Variants in ZNF461 observed in about 807,000 individuals in gnomAD.
ZNF461 encodes zinc finger protein 461.
ZNF461 carries 16 observed loss-of-function variants against 18.3 expected under a neutral mutation model. The observed-to-expected ratio is 0.88, with a 90% confidence interval of 0.59 to 1.33. The LOEUF is 1.33. Ranked by LOEUF, ZNF461 falls within the 40% of genes most tolerant of loss-of-function variation. The pLI, the probability that ZNF461 is intolerant of heterozygous loss-of-function variation, is 0.00. For synonymous variants in ZNF461, 179 were observed against 216.9 expected, an observed-to-expected ratio of 0.83 and a Z score of 1.54; for missense variants, 595 against 669.9, an observed-to-expected ratio of 0.89 and a Z score of 1.23.
Position 36,658,342 on chromosome 19 carries a change from G to A in ZNF461, c.93C>T (p.Tyr31=). The A allele has an allele frequency of 6.2e-7, 1 of 1,610,902 alleles. No homozygotes were observed. The highest frequency in any genetic ancestry group is 8.5e-7 in the Non-Finnish European group (1 of 1,178,262). ...TATAATTCTCCAACATCACCTCCTT[G>A]TACAAATTCCTCTGCGCTGGGTTCA... is the stretch of plus-strand genomic sequence containing the variant. ...ECLNPAQRNL[Y]KEVMLENYSN... The change falls in exon 3 of 6, where the codon TAC becomes TAT. Residue 31 remains tyrosine (Y), a synonymous_variant. Coordinates refer to ENST00000588268, the MANE Select transcript of ZNF461 (RefSeq NM_153257.5).
chr19:36,650,497 G>A (rs1049354545), intron 4 of ZNF461, among the ~76,000 whole-genome samples: 5 of 152,068 alleles, frequency 3.3e-5, no homozygotes, highest in African/African-American at 9.7e-5. Flanking sequence ...TTGCTCTGGA[G>A]AAGTTTACTA....
intron 5 of ZNF461, among the ~76,000 whole-genome samples, chr19:36,640,891 A>G (rs1250718653): frequency 6.6e-6 from 1 of 152,204 alleles, no homozygotes; most frequent in African/African-American, 2.4e-5. Context: ...ACAGCTTCCC[A>G]CAGAAATTTT....
rs1442439755 is a variant in ZNF461, at chr19:36,656,510, G to A, written c.170C>T (p.Ser57Leu). Reference protein sequence around the residue: ...LSVSKPAVISSLEQGKEPWMV... With the variant: ...LSVSKPAVISLLEQGKEPWMV... ...CCAGGGCTCCTTCCCTTGCTCCAATGAGGAGATTACGGCTGGCTTAGAAAC... is the reference window on the plus strand; with the variant it reads ...CCAGGGCTCCTTCCCTTGCTCCAATAAGGAGATTACGGCTGGCTTAGAAAC... The change falls in exon 4 of 6, where the codon TCA becomes TTA. Residue 57 changes from serine (S) to leucine (L), a missense_variant. Coordinates refer to ENST00000588268, the MANE Select transcript of ZNF461 (RefSeq NM_153257.5). 6.2e-7 allele frequency: 1 copy of A among 1,614,112 alleles called. No homozygotes were observed. Among genetic ancestry groups the A allele is most frequent in the Non-Finnish European group, 8.5e-7 (1 of 1,180,018 alleles).
At chr19:36,645,727 T>G (rs2145378136) in intron 4 of ZNF461, among the ~76,000 whole-genome samples, 1 of 152,308 alleles carries the variant, frequency 6.6e-6, no homozygotes, top group East Asian at 1.9e-4. Flanking sequence ...AGAGTCATAA[T>G]ATTCTGGAGT....
At chr19:36,656,387 G>A (rs1450775810) in intron 4 of ZNF461, 61 bp downstream of exon 4, 3 of 1,380,264 alleles carry the variant, frequency 2.2e-6, no homozygotes, top group African/African-American at 2.8e-5. Flanking sequence ...AAACTTGCCA[G>A]CCCAACATTC....
chr19:36,658,499 A>G, intron 2 of ZNF461, 74 bp from the exon 3 acceptor site: 2 of 1,430,508 alleles, frequency 1.4e-6, no homozygotes, highest in South Asian at 2.6e-5. Flanking sequence ...AAGTGCTAAA[A>G]GAAGGTACTG....
chr19:36,648,782 T>C (rs567180971), intron 4 of ZNF461, among the ~76,000 whole-genome samples: 2 of 152,296 alleles, frequency 1.3e-5, no homozygotes, highest in Admixed American at 1.3e-4. Context: ...GGTTTCGCCA[T>C]GTTGGCCAGG....
At chr19:36,659,916 C>T (rs1031853906) in intron 2 of ZNF461, among the ~76,000 whole-genome samples, 22 of 152,178 alleles carry the variant, frequency 1.4e-4, no homozygotes, top group Non-Finnish European at 3.1e-4. Context: ...TAAAGCCTCA[C>T]ACAGCAAAGT....
In ZNF461 at chr19:36,664,795, G is replaced by T; in HGVS notation, c.-80-9C>A. The T allele has an allele frequency of 9.7e-7, 1 of 1,034,418 alleles. No individual in the cohort carries two copies. The highest frequency in any genetic ancestry group is 1.3e-6 in the Non-Finnish European group (1 of 746,504). 64.1% of individuals were successfully genotyped at this position (1,034,418 alleles called of 1,614,324 possible). A position where few individuals can be genotyped will look rare whatever the true frequency, so the allele number is the denominator to read the frequency against. ...ATCCAAAGAAGGTGTTGCTGGGAGA[G>T]AGGGGAGTTAAAAAAAAGACAGGAG... On this transcript the variant is annotated splice_polypyrimidine_tract_variant and intron_variant, in intron 1 of 5. Coordinates refer to ENST00000588268, the MANE Select transcript of ZNF461 (RefSeq NM_153257.5).
In ZNF461 at chr19:36,637,989, G is replaced by T. The variant is rs1221047354; in HGVS notation, c.*664C>A. ...ATAAATGTAATGTCAAAATATATAC[G>T]CCAGATACTCTTTAATCCCACTGTT... On this transcript the variant is annotated 3_prime_UTR_variant, in exon 6 of 6. Coordinates refer to ENST00000588268, the MANE Select transcript of ZNF461 (RefSeq NM_153257.5). The T allele has an allele frequency of 1.5e-5, 4 of 268,636 alleles. No individual in the cohort carries two copies. Among genetic ancestry groups the T allele is most frequent in the African/African-American group, 6.9e-5 (3 of 43,656 alleles). The allele number at this position is 268,636 out of a possible 1,614,324, so 16.6% of individuals were successfully genotyped here. A position where few individuals can be genotyped will look rare whatever the true frequency, so the allele number is the denominator to read the frequency against.
At chr19:36,661,734 A>G (rs1296673260) in intron 2 of ZNF461, among the ~76,000 whole-genome samples, 2 of 151,706 alleles carry the variant, frequency 1.3e-5, no homozygotes, top group Non-Finnish European at 2.9e-5. Context: ...GAAGATCTTC[A>G]GGCTAAAGAG....
intron 4 of ZNF461, among the ~76,000 whole-genome samples, chr19:36,653,427 C>G (rs937769182): frequency 1.5e-4 from 23 of 152,112 alleles, no homozygotes; most frequent in African/African-American, 5.3e-4. Flanking sequence ...GAGAACAGAA[C>G]AGTGGTTGCC....
chr19:36,665,767 A>G (rs1327144391), intron 1 of ZNF461, among the ~76,000 whole-genome samples: 1 of 70,426 alleles, frequency 1.4e-5, no homozygotes, highest in Non-Finnish European at 3.2e-5. Context: ...CAAATCTCAG[A>G]AAAAAAAAAT....
chr19:36,641,966 C>T (rs759603410), intron 5 of ZNF461, among the ~76,000 whole-genome samples: 4 of 152,046 alleles, frequency 2.6e-5, no homozygotes, highest in African/African-American at 4.8e-5. Flanking sequence ...GTCACCCAGG[C>T]GAGAGTGAGC....
chr19:36,642,682 C>CTTT (rs577387236), intron 5 of ZNF461, among the ~76,000 whole-genome samples: 4 of 90,824 alleles, frequency 4.4e-5, no homozygotes, highest in Admixed American at 1.4e-4. Flanking sequence ...AGTTAGACTT[C>CTTT]TTTTTTTTTT....
In ZNF461 at chr19:36,665,685, G is replaced by A. The variant is rs544317904; in HGVS notation, c.-80-899C>T. Among the ~76,000 whole-genome samples, 9 of 138,918 alleles carry A rather than the reference G, an allele frequency of 6.5e-5. No homozygotes were observed. In the South Asian group the frequency reaches 1.4e-3, roughly 21 times the overall value. The allele number at this position is 138,918 out of a possible 152,430, so 91.1% of individuals were successfully genotyped here. A position where few individuals can be genotyped will look rare whatever the true frequency, so the allele number is the denominator to read the frequency against. ...GATCGCGCCACCGCACTCCAGCCAC[G>A]GTGAAAGAGAGAAACTTCGTCTCAA... is the stretch of plus-strand genomic sequence containing the variant. On this transcript the variant is annotated intron_variant, in intron 1 of 5. Coordinates refer to ENST00000588268, the MANE Select transcript of ZNF461 (RefSeq NM_153257.5).
chr19:36,652,834 T>G (rs1453777672), intron 4 of ZNF461, among the ~76,000 whole-genome samples: 2 of 152,072 alleles, frequency 1.3e-5, no homozygotes, highest in Non-Finnish European at 2.9e-5. Context: ...GGAGAAAATA[T>G]TTGCAGGTCA....
chr19:36,637,602 G>C lies in ZNF461; in HGVS notation c.*1051C>G, dbSNP rs2037320759. On this transcript the variant is annotated 3_prime_UTR_variant, in exon 6 of 6. Coordinates refer to ENST00000588268, the MANE Select transcript of ZNF461 (RefSeq NM_153257.5). ...TAGTCCCAGCTACTCAGGAGGCTGA[G>C]GCAGGAGAATTTTTAACCTGGGTGG... 4.3e-6 allele frequency: 1 copy of C among 232,828 alleles called. No homozygotes were observed. Among genetic ancestry groups the C allele is most frequent in the Non-Finnish European group, 8.6e-6 (1 of 116,238 alleles). 14.4% of individuals were successfully genotyped at this position (232,828 alleles called of 1,614,324 possible).
intron 4 of ZNF461, among the ~76,000 whole-genome samples, chr19:36,654,149 A>G (rs1216072958): frequency 1.3e-5 from 2 of 152,224 alleles, no homozygotes; most frequent in African/African-American, 4.8e-5. Flanking sequence ...CAAAATAAAA[A>G]GTCTTTTTTT....
Sources: allele counts gnomAD v4.1 joint callset (sites outside exome capture counted in the v4.1 genomes callset), GRCh38; gene constraint gnomAD v4.1.1; transcripts MANE v1.5; gene names NCBI Gene and HGNC (gene_info 2026-07-23, HGNC 2026-07-21).